CSMD1: variants seen among roughly 807,000 people sequenced by gnomAD.
The protein encoded by CSMD1 is CUB and Sushi multiple domains 1, also known as CUB and sushi domain-containing protein 1.
In CSMD1, 213 loss-of-function variants were observed where a neutral mutation model predicts 417.5. The ratio of observed to expected loss-of-function variants is 0.51; its 90% CI spans 0.46 to 0.57. CSMD1 has a LOEUF of 0.57. CSMD1 is among the 20% of genes least tolerant of loss of function. The pLI, the probability that CSMD1 is intolerant of heterozygous loss-of-function variation, is 0.00. For missense variants in CSMD1, 6,923 were observed against 4,529.7 expected (o/e 1.53, Z -15.17); for synonymous variants, 2,862 against 1,736.8 (o/e 1.65, Z -16.11).
chr8:4,403,535 G>A (rs113983375), intron 3 of CSMD1, among the ~76,000 whole-genome samples: 4 of 151,998 alleles, frequency 2.6e-5, no homozygotes, highest in Non-Finnish European at 5.9e-5. Context: ...AGTATCATTC[G>A]CCAGGGCTGA....
intron 3 of CSMD1, among the ~76,000 whole-genome samples, chr8:4,216,895 C>G (rs1002858559): frequency 1.3e-5 from 2 of 152,114 alleles, no homozygotes; most frequent in Non-Finnish European, 2.9e-5. Flanking sequence ...TTTTCTTGCC[C>G]AGTTTTGATT....
chr8:2,976,710 G>C (rs1804960118), intron 55 of CSMD1, among the ~76,000 whole-genome samples: 1 of 152,132 alleles, frequency 6.6e-6, no homozygotes, highest in African/African-American at 2.4e-5. Context: ...TTTAAGGATT[G>C]CTTTGCTTCT....
At chr8:3,151,284 T>C in intron 40 of CSMD1, 113 bp downstream of exon 40, 2 of 665,390 alleles carry the variant, frequency 3.0e-6, no homozygotes, top group Non-Finnish European at 5.3e-6. Flanking sequence ...TACGCCACTT[T>C]CAATTACAGA....
At chr8:4,259,062 G>C (rs1023234480) in intron 3 of CSMD1, among the ~76,000 whole-genome samples, 23 of 152,106 alleles carry the variant, frequency 1.5e-4, no homozygotes, top group African/African-American at 3.9e-4. Flanking sequence ...ACCCTGCTTT[G>C]AGTTTGAACG....
intron 12 of CSMD1, among the ~76,000 whole-genome samples, chr8:3,433,114 G>A (rs899432392): frequency 6.6e-6 from 1 of 152,160 alleles, no homozygotes; most frequent in South Asian, 2.1e-4. Flanking sequence ...TACAGAGATT[G>A]GAAGGTTAGA....
intron 42 of CSMD1, among the ~76,000 whole-genome samples, chr8:3,115,030 T>C (rs1348760203): frequency 4.6e-5 from 7 of 152,230 alleles, no homozygotes; most frequent in African/African-American, 7.2e-5. Flanking sequence ...CCTAAAATTA[T>C]ATTTTTATGC....
At chr8:4,982,762 T>C (rs940074520) in intron 1 of CSMD1, among the ~76,000 whole-genome samples, 6 of 152,162 alleles carry the variant, frequency 3.9e-5, no homozygotes, top group African/African-American at 9.7e-5. Context: ...TACCCCAAAG[T>C]TCGGCTTGGC....
At chr8:3,769,921 T>C (rs73658243) in intron 5 of CSMD1, among the ~76,000 whole-genome samples, 3 of 152,354 alleles carry the variant, frequency 2.0e-5, no homozygotes, top group Middle Eastern at 6.8e-3. Context: ...CCTATTGCAA[T>C]ATTGCTCTTT....
intron 12 of CSMD1, among the ~76,000 whole-genome samples, chr8:3,415,149 T>C (rs150739148): frequency 6.6e-6 from 1 of 152,238 alleles, no homozygotes; most frequent in Admixed American, 6.5e-5. Flanking sequence ...AAATTTAAAT[T>C]GTATATATTG....
At chr8:4,783,676 G>A (rs957244621) in intron 1 of CSMD1, among the ~76,000 whole-genome samples, 8 of 152,092 alleles carry the variant, frequency 5.3e-5, no homozygotes, top group Admixed American at 2.0e-4. Flanking sequence ...AAGCCAGCCC[G>A]AAGCCTGTAC....
chr8:3,408,372 C>G (rs1252096024), intron 13 of CSMD1, 147 bp from the exon 14 acceptor site: 1 of 635,948 alleles, frequency 1.6e-6, no homozygotes, highest in Non-Finnish European at 2.7e-6. Flanking sequence ...TAATTCTGGA[C>G]CATAATGTTT....
At chr8:3,024,888 G>C (rs184859234) in intron 51 of CSMD1, among the ~76,000 whole-genome samples, 88 of 152,354 alleles carry the variant, frequency 5.8e-4, no homozygotes, top group African/African-American at 1.9e-3. Context: ...CAAGACAACT[G>C]TTGTTCGTAC....
intron 3 of CSMD1, among the ~76,000 whole-genome samples, chr8:4,379,250 G>A (rs1256421115): frequency 6.6e-6 from 1 of 152,092 alleles, no homozygotes; most frequent in East Asian, 1.9e-4. Context: ...CTCAACATGT[G>A]GGACTTTTTA....
At chr8:4,386,317 C>A (rs925165346) in intron 3 of CSMD1, among the ~76,000 whole-genome samples, 1 of 152,098 alleles carries the variant, frequency 6.6e-6, no homozygotes, top group African/African-American at 2.4e-5. Flanking sequence ...ATCAGACATT[C>A]TCCTACCTTC....
chr8:4,383,711 C>T (rs1005673875), intron 3 of CSMD1, among the ~76,000 whole-genome samples: 1 of 151,992 alleles, frequency 6.6e-6, no homozygotes, highest in African/African-American at 2.4e-5. Flanking sequence ...TAATAAAAAC[C>T]CTGTCCCATG....
At chr8:3,784,327 C>G (rs912485832) in intron 5 of CSMD1, among the ~76,000 whole-genome samples, 3 of 152,142 alleles carry the variant, frequency 2.0e-5, no homozygotes, top group Non-Finnish European at 4.4e-5. Context: ...TATCTCACTT[C>G]TAAAATTAAA....
chr8:3,411,695 C>CGTATATAT (rs1563360909), intron 12 of CSMD1, among the ~76,000 whole-genome samples: 1 of 129,942 alleles, frequency 7.7e-6, no homozygotes. Context: ...TATATATACA[C>CGTATATAT]ACGTATATAT....
rs564915030 is a variant in CSMD1, at chr8:4,040,424, A to C, written c.416-8325T>G. 3.3e-5 allele frequency among the ~76,000 whole-genome samples: 5 copies of C among 152,338 alleles called. No individual in the cohort carries two copies. In the South Asian group the frequency reaches 8.3e-4, roughly 25 times the overall value. ...GATCAAGTAATTTCCAGGACAGGTA[A>C]CTGTTAAGAACTGGTAGTAGAGCTT... On this transcript the variant is annotated intron_variant, in intron 3 of 69. Coordinates refer to ENST00000635120, the MANE Select transcript of CSMD1 (RefSeq NM_033225.6).
At chr8:3,093,834 A>G (rs1245638728) in intron 47 of CSMD1, among the ~76,000 whole-genome samples, 1 of 152,196 alleles carries the variant, frequency 6.6e-6, no homozygotes, top group Non-Finnish European at 1.5e-5. Context: ...GAGGATGAGA[A>G]GAAATGATAT....
Sources: gnomAD v4.1 joint callset for allele counts (sites outside exome capture counted in the v4.1 genomes callset) on GRCh38, gnomAD v4.1.1 for gene constraint, MANE v1.5 for transcripts, NCBI Gene and HGNC (gene_info 2026-07-23, HGNC 2026-07-21) for gene names.